The following POLN variants were observed in gnomAD, a reference collection of about 807,000 sequenced individuals.
POLN encodes DNA polymerase nu, also known as DNA polymerase N.
POLN carries 108 observed loss-of-function variants against 113.5 expected under a neutral mutation model. That is an observed-to-expected ratio of 0.95 (90% CI 0.81 to 1.12). The LOEUF is 1.12. Among genes scored for constraint, POLN ranks in the 50% most tolerant of loss-of-function variants. The probability of loss-of-function intolerance (pLI) is 0.00; values close to 1 mark genes in which losing one functional copy is unlikely to be tolerated. For synonymous variants in POLN, 386 were observed against 391.5 expected, an observed-to-expected ratio of 0.99 and a Z score of 0.17; for missense variants, 1,097 against 1,077.1, an observed-to-expected ratio of 1.02 and a Z score of -0.26.
In POLN at chr4:2,242,079, G is replaced by C. The variant is rs1016179967; in HGVS notation, c.-312C>G. ...AGGAAGTTCCGCTTGCTTCTCGCAG[G>C]AGCCCGCCGCCACCGCCCTCCGTGC... On this transcript the variant is annotated 5_prime_UTR_variant, in exon 1 of 26. Transcript: ENST00000511885. The C allele has an allele frequency of 1.0e-6, 1 of 985,686 alleles. No individual in the cohort carries two copies. The highest frequency in any genetic ancestry group is 1.2e-6 in the Non-Finnish European group (1 of 830,210). 61.1% of individuals were successfully genotyped at this position (985,686 alleles called of 1,614,324 possible).
chr4:2,221,574 AC>A (rs546986706), intron 3 of POLN, among the ~76,000 whole-genome samples: 32 of 152,148 alleles, frequency 2.1e-4, no homozygotes, highest in African/African-American at 7.0e-4. Context: ...TTTGTCTCTT[AC>A]CTACTTTTTG....
rs1733077388 is a variant in POLN, at chr4:2,179,389, T to C, written c.1098A>G (p.Glu366=). Residue 366 remains glutamate (E), a synonymous_variant, in exon 8 of 26, where the codon GAA becomes GAG. Transcript: ENST00000511885. ...IDPSDATPSF[E]DLVEKYCEKS... ...TTTCACAGTATTTTTCTACTAAATC[T>C]TCAAAAGAGGGTGTGGCATCACTAG... The C allele has an allele frequency of 6.2e-7, 1 of 1,613,392 alleles. No homozygotes were observed. Among genetic ancestry groups the C allele is most frequent in the Middle Eastern group, 1.7e-4 (1 of 6,056 alleles).
chr4:2,174,411 C>T (rs1257508906), intron 10 of POLN, among the ~76,000 whole-genome samples: 2 of 152,216 alleles, frequency 1.3e-5, no homozygotes, highest in East Asian at 3.9e-4. Flanking sequence ...GAGACAACCA[C>T]TAACACATAA....
rs139428211 is a variant in POLN at position 2,210,007 on chromosome 4, TTA to T, written c.214-1522_214-1521del. 2.9e-3 allele frequency among the ~76,000 whole-genome samples: 429 copies of T among 146,100 alleles called. 7 individuals carry two copies. The highest frequency in any genetic ancestry group is 0.023 in the Admixed American group (337 of 14,592). On this transcript the variant is annotated intron_variant, in intron 4 of 25. Transcript: ENST00000511885. ...CTTTATATATATATATAAATTTACTTTATATATATATATATATGGCTTTGAAT... is the reference window on the plus strand; with the variant it reads ...CTTTATATATATATATAAATTTACTTTATATATATATATATGGCTTTGAAT...
chr4:2,181,908 G>A (rs1349071553), intron 7 of POLN, among the ~76,000 whole-genome samples: 1 of 151,772 alleles, frequency 6.6e-6, no homozygotes, highest in Admixed American at 6.6e-5. Flanking sequence ...GCTGAGGCAG[G>A]AGAATGGTGT....
intron 13 of POLN, among the ~76,000 whole-genome samples, chr4:2,161,130 G>T (rs376413340): frequency 6.6e-6 from 1 of 152,170 alleles, no homozygotes; most frequent in East Asian, 1.9e-4. Context: ...GCCCTCCCTC[G>T]CTCTCGGCGC....
chr4:2,177,277 C>A, intron 8 of POLN: 1 of 481,584 alleles, frequency 2.1e-6, no homozygotes. Context: ...TTCTCTGGCT[C>A]CCCACAGCCA....
intron 16 of POLN, among the ~76,000 whole-genome samples, chr4:2,141,474 C>T (rs955979696): frequency 1.1e-4 from 17 of 152,120 alleles, no homozygotes; most frequent in Admixed American, 8.5e-4. Context: ...CTGTGGCCAC[C>T]CTGTCCTTGT....
chr4:2,224,375 A>G (rs1560099583), intron 3 of POLN, among the ~76,000 whole-genome samples: 1 of 152,354 alleles, frequency 6.6e-6, no homozygotes, highest in Middle Eastern at 3.4e-3. Context: ...CTGTTTTACA[A>G]TTAGCTTTTT....
At chr4:2,216,050 G>A (rs1734105324) in intron 3 of POLN, among the ~76,000 whole-genome samples, 1 of 152,200 alleles carries the variant, frequency 6.6e-6, no homozygotes, top group African/African-American at 2.4e-5. Context: ...CCATGAGGTG[G>A]CCAATCACAT....
chr4:2,159,159 C>T lies in POLN; in HGVS notation c.1607G>A (p.Arg536Lys). 1.2e-6 allele frequency: 2 copies of T among 1,605,610 alleles called. No individual in the cohort carries two copies. The highest frequency in any genetic ancestry group is 8.5e-7 in the Non-Finnish European group (1 of 1,172,774). Residue 536 changes from arginine (R) to lysine (K), a missense_variant, in exon 14 of 26, where the codon AGG becomes AAG. Arg to Lys is a conservative substitution (Grantham distance 26). Transcript: ENST00000511885. ...HPLPKIILEY[R>K]QVHKIKSTFV... ...CGTACAAAAAAATTAACTTACCTGCCTGTATTCCAAAATTATCTTGGGTAA... is the reference window on the plus strand; with the variant it reads ...CGTACAAAAAAATTAACTTACCTGCTTGTATTCCAAAATTATCTTGGGTAA...
chr4:2,176,664 G>A (rs1332601706), intron 8 of POLN, among the ~76,000 whole-genome samples: 1 of 152,004 alleles, frequency 6.6e-6, no homozygotes, highest in Non-Finnish European at 1.5e-5. Flanking sequence ...GCAGGGAGAG[G>A]AGAATGCAGA....
intron 23 of POLN, chr4:2,076,464 C>T (rs1005102143): frequency 5.9e-5 from 9 of 152,418 alleles, no homozygotes; most frequent in African/African-American, 1.7e-4. Context: ...ACAGGCAGCT[C>T]GCCTTGTGCC....
At chr4:2,080,148 G>A (rs1298604991) in intron 23 of POLN, 6 of 985,536 alleles carry the variant, frequency 6.1e-6, no homozygotes, top group Non-Finnish European at 7.2e-6. Context: ...AGGGGCTCCG[G>A]GACTCCTGAG....
At chr4:2,188,533 G>A (rs377718241) in intron 7 of POLN, among the ~76,000 whole-genome samples, 12 of 151,748 alleles carry the variant, frequency 7.9e-5, no homozygotes, top group South Asian at 4.2e-4. Context: ...CCTGGGAGGC[G>A]GAGCTTGCAG....
chr4:2,158,153 T>C (rs1444962413), intron 14 of POLN, among the ~76,000 whole-genome samples: 1 of 152,192 alleles, frequency 6.6e-6, no homozygotes, highest in Admixed American at 6.5e-5. Flanking sequence ...GGTTTCGCCA[T>C]GTTGGCCAGG....
chr4:2,117,617 C>G (rs1317221862), intron 19 of POLN, among the ~76,000 whole-genome samples: 1 of 152,204 alleles, frequency 6.6e-6, no homozygotes, highest in Non-Finnish European at 1.5e-5. Flanking sequence ...ACAATAAACA[C>G]TCCATTTGGA....
chr4:2,179,428 T>A lies in POLN; in HGVS notation c.1059A>T (p.Ala353=), dbSNP rs771733733. 6.2e-7 allele frequency: 1 copy of A among 1,614,020 alleles called. No homozygotes were observed. Among genetic ancestry groups the A allele is most frequent in the Non-Finnish European group, 8.5e-7 (1 of 1,179,900 alleles). The change falls in exon 8 of 26, where the codon GCA becomes GCT. Residue 353 remains alanine (A), a synonymous_variant. Coordinates refer to ENST00000511885, the MANE Select transcript of POLN (RefSeq NM_181808.4). ...DFIGLDPRIA[A]WLIDPSDATP... Reference sequence around the variant, plus strand: ...TGGCATCACTAGGATCTATAAGCCATGCAGCAATTCTGGGATCTAGCCCTA... The same window carrying A: ...TGGCATCACTAGGATCTATAAGCCAAGCAGCAATTCTGGGATCTAGCCCTA...
intron 16 of POLN, among the ~76,000 whole-genome samples, chr4:2,145,555 C>G (rs953252179): frequency 2.6e-5 from 4 of 152,108 alleles, no homozygotes; most frequent in African/African-American, 9.7e-5. Flanking sequence ...AATACACTGA[C>G]CCTCATTACT....
Sources: gnomAD v4.1 joint callset for allele counts (sites outside exome capture counted in the v4.1 genomes callset) on GRCh38, gnomAD v4.1.1 for gene constraint, MANE v1.5 for transcripts, NCBI Gene and HGNC (gene_info 2026-07-23, HGNC 2026-07-21) for gene names.